Variants in HPGDS observed in about 807,000 individuals in gnomAD.
HPGDS encodes GST class-sigma.
Under a neutral mutation model 23.1 loss-of-function variants are expected in HPGDS, and 26 were observed. That is an observed-to-expected ratio of 1.13 (90% confidence interval 0.83 to 1.56). HPGDS has a LOEUF of 1.56. Among genes scored for constraint, HPGDS ranks in the 40% most tolerant of loss-of-function variants. The pLI, the probability that HPGDS is intolerant of heterozygous loss-of-function variation, is 0.00. For missense variants in HPGDS, 268 were observed against 236.4 expected, an observed-to-expected ratio of 1.13 and a Z score of -0.88; for synonymous variants, 95 against 77.9, an observed-to-expected ratio of 1.22 and a Z score of -1.16.
intron 2 of HPGDS, among the ~76,000 whole-genome samples, chr4:94,321,192 A>G (rs1756501767): frequency 6.6e-6 from 1 of 152,210 alleles, no homozygotes. Context: ...GAAGTCAGGT[A>G]GCATGATGTC....
At chr4:94,316,207 C>T (rs1418605549) in intron 3 of HPGDS, among the ~76,000 whole-genome samples, 1 of 151,872 alleles carries the variant, frequency 6.6e-6, no homozygotes, top group Non-Finnish European at 1.5e-5. Context: ...GTATTTTGAA[C>T]AGAAAAGAGA....
chr4:94,307,447 T>G (rs1356447461), intron 4 of HPGDS, among the ~76,000 whole-genome samples: 1 of 152,164 alleles, frequency 6.6e-6, no homozygotes, highest in Non-Finnish European at 1.5e-5. Flanking sequence ...TAATCATATC[T>G]GCTGTCATCA....
intron 1 of HPGDS, among the ~76,000 whole-genome samples, chr4:94,340,311 C>CTTTCTTTTTT: frequency 4.2e-5 from 1 of 23,678 alleles, no homozygotes; most frequent in Non-Finnish European, 8.7e-5. Flanking sequence ...CTTTCTTTCT[C>CTTTCTTTTTT]TTTTTTTTTT....
intron 2 of HPGDS, among the ~76,000 whole-genome samples, chr4:94,327,439 C>T (rs1489589508): frequency 6.6e-6 from 1 of 152,060 alleles, no homozygotes; most frequent in Non-Finnish European, 1.5e-5. Context: ...TGCTTGGGTG[C>T]CAGTGGCAGT....
chr4:94,325,253 A>G (rs900419754), intron 2 of HPGDS, among the ~76,000 whole-genome samples: 1 of 152,182 alleles, frequency 6.6e-6, no homozygotes, highest in Admixed American at 6.5e-5. Flanking sequence ...CCAGTTGAGG[A>G]GGCACTCTGT....
At chr4:94,326,488 G>A (rs1321529864) in intron 2 of HPGDS, among the ~76,000 whole-genome samples, 2 of 152,022 alleles carry the variant, frequency 1.3e-5, no homozygotes, top group African/African-American at 4.8e-5. Context: ...GCTTGACCTA[G>A]TCTATTGAAG....
chr4:94,338,234 GC>G (rs1721063115), intron 1 of HPGDS, among the ~76,000 whole-genome samples: 1 of 152,086 alleles, frequency 6.6e-6, no homozygotes, highest in South Asian at 2.1e-4. Flanking sequence ...GACCAGCCTG[GC>G]CAACATGGTG....
chr4:94,335,134 C>G (rs1720973369), intron 1 of HPGDS, among the ~76,000 whole-genome samples: 2 of 152,174 alleles, frequency 1.3e-5, no homozygotes, highest in African/African-American at 4.8e-5. Flanking sequence ...CTGTCTTTGC[C>G]TCTCTTTCCT....
Position 94,299,595 on chromosome 4 carries a change from A to C in HPGDS, c.485T>G (p.Val162Gly). 6.2e-7 allele frequency: 1 copy of C among 1,614,142 alleles called. No homozygotes were observed. Among genetic ancestry groups the C allele is most frequent in the Non-Finnish European group, 8.5e-7 (1 of 1,180,004 alleles). The change falls in exon 6 of 6, where the codon GTC becomes GGC. Residue 162 changes from valine to glycine, a missense_variant. By Grantham distance (109) the Val-to-Gly change is moderately radical. Coordinates refer to ENST00000295256, the MANE Select transcript of HPGDS (RefSeq NM_014485.3). Reference protein sequence around the residue: ...YWEICSTTLLVFKPDLLDNHP... With the variant: ...YWEICSTTLLGFKPDLLDNHP... ...GTTGTCTAACAGGTCAGGCTTAAAG[A>C]CCAAAAGTGTGGTACTGCAAATCTC...
intron 1 of HPGDS, among the ~76,000 whole-genome samples, chr4:94,335,669 C>T (rs540321550): frequency 4.1e-4 from 63 of 152,210 alleles, no homozygotes; most frequent in African/African-American, 1.3e-3. Flanking sequence ...TCATTAGCAT[C>T]AGTAATAATG....
intron 3 of HPGDS, among the ~76,000 whole-genome samples, chr4:94,316,069 G>C (rs894020463): frequency 2.6e-5 from 4 of 152,092 alleles, no homozygotes; most frequent in African/African-American, 4.8e-5. Context: ...GGCCTCAACT[G>C]TGACTCAGCC....
intron 1 of HPGDS, among the ~76,000 whole-genome samples, chr4:94,338,365 CA>C (rs143477492): frequency 0.034 from 5,247 of 152,180 alleles, 313 homozygotes; most frequent in African/African-American, 0.12. Flanking sequence ...GCAGAGGTTG[CA>C]GTGAGCCAAG....
At chr4:94,310,267 T>G (rs968722581) in intron 3 of HPGDS, among the ~76,000 whole-genome samples, 1 of 152,234 alleles carries the variant, frequency 6.6e-6, no homozygotes, top group African/African-American at 2.4e-5. Context: ...GTTTTAGGTC[T>G]AACATTGAAG....
At chr4:94,323,800 G>C (rs1463016233) in intron 2 of HPGDS, among the ~76,000 whole-genome samples, 1 of 152,072 alleles carries the variant, frequency 6.6e-6, no homozygotes, top group African/African-American at 2.4e-5. Flanking sequence ...ATTTGATCCA[G>C]TCATTATATT....
intron 2 of HPGDS, 181 bp downstream of exon 2, chr4:94,334,316 G>T: frequency 4.2e-6 from 2 of 477,074 alleles, no homozygotes; most frequent in Non-Finnish European, 7.2e-6. Context: ...TGTAAGTTTT[G>T]TGTTTTCACC....
At chr4:94,309,862 A>G (rs901538238) in intron 3 of HPGDS, among the ~76,000 whole-genome samples, 6 of 152,024 alleles carry the variant, frequency 3.9e-5, no homozygotes, top group Admixed American at 1.3e-4. Flanking sequence ...GTTTTGATTT[A>G]CATTTCTCTG....
At chr4:94,321,748 C>T (rs1217503980) in intron 2 of HPGDS, among the ~76,000 whole-genome samples, 1 of 152,132 alleles carries the variant, frequency 6.6e-6, no homozygotes, top group Admixed American at 6.6e-5. Context: ...AATTGAATAA[C>T]CTTTATTTCT....
At chr4:94,323,955 GTAT>G (rs1176976610) in intron 2 of HPGDS, among the ~76,000 whole-genome samples, 1 of 152,062 alleles carries the variant, frequency 6.6e-6, no homozygotes, top group Non-Finnish European at 1.5e-5. Flanking sequence ...AGCAGACCTG[GTAT>G]TGACAAAATC....
chr4:94,336,784 G>A (rs778765459), intron 1 of HPGDS, among the ~76,000 whole-genome samples: 3 of 152,060 alleles, frequency 2.0e-5, no homozygotes, highest in South Asian at 2.1e-4. Flanking sequence ...CTAAGAGCAC[G>A]AAAATAGTAA....
Sources: gnomAD v4.1 joint callset for allele counts (sites outside exome capture counted in the v4.1 genomes callset) on GRCh38, gnomAD v4.1.1 for gene constraint, MANE v1.5 for transcripts, NCBI Gene and HGNC (gene_info 2026-07-23, HGNC 2026-07-21) for gene names.